The following NOS1AP variants were observed in gnomAD, a reference collection of about 807,000 sequenced individuals.
NOS1AP encodes nitric oxide synthase 1 adaptor protein.
Under a neutral mutation model 56.2 loss-of-function variants are expected in NOS1AP, and 21 were observed. That is an observed-to-expected ratio of 0.37 (90% confidence interval 0.26 to 0.54). The LOEUF (loss-of-function observed/expected upper bound fraction) is 0.54. NOS1AP is among the 20% of genes least tolerant of loss of function. The pLI is 0.84. For synonymous variants in NOS1AP, 270 were observed against 274.6 expected (o/e 0.98, Z 0.17); for missense variants, 522 against 657.8 (o/e 0.79, Z 2.26).
intron 3 of NOS1AP, among the ~76,000 whole-genome samples, chr1:162,290,777 TG>T (rs1655262197): frequency 3.9e-5 from 6 of 152,204 alleles, no homozygotes; most frequent in Admixed American, 3.9e-4. Flanking sequence ...TGTGACAAGC[TG>T]GGAGGGACCC....
At chr1:162,356,829 A>G in intron 7 of NOS1AP, 131 bp from the exon 8 acceptor site, 1 of 1,586,158 alleles carries the variant, frequency 6.3e-7, no homozygotes, top group Admixed American at 1.7e-5. Flanking sequence ...TTTCCATTGA[A>G]GATATAGTGC....
intron 1 of NOS1AP, among the ~76,000 whole-genome samples, chr1:162,108,217 T>C (rs1433789830): frequency 2.0e-5 from 3 of 152,210 alleles, no homozygotes; most frequent in African/African-American, 4.8e-5. Context: ...AAGATGTGCC[T>C]GGTTCATCTT....
At chr1:162,307,572 G>A (rs1349909426) in intron 4 of NOS1AP, among the ~76,000 whole-genome samples, 2 of 152,200 alleles carry the variant, frequency 1.3e-5, no homozygotes, top group Non-Finnish European at 2.9e-5. Context: ...GGGAGGCTGA[G>A]GCAGGCGGAT....
At chr1:162,240,987 AG>A (rs1223978796) in intron 2 of NOS1AP, among the ~76,000 whole-genome samples, 3 of 152,190 alleles carry the variant, frequency 2.0e-5, no homozygotes, top group African/African-American at 7.2e-5. Context: ...GTTGGCTGAA[AG>A]GATGAGTAGA....
At chr1:162,332,955 C>G in intron 4 of NOS1AP, 62 bp from the exon 5 acceptor site, 2 of 1,160,086 alleles carry the variant, frequency 1.7e-6, no homozygotes, top group Non-Finnish European at 2.6e-6. Flanking sequence ...ACAGAGCTTT[C>G]CTGGTTGGAG....
At chr1:162,106,253 T>C (rs780221681) in intron 1 of NOS1AP, among the ~76,000 whole-genome samples, 1 of 152,200 alleles carries the variant, frequency 6.6e-6, no homozygotes, top group Non-Finnish European at 1.5e-5. Flanking sequence ...GTGCAGCTCC[T>C]GGATGGGCCA....
chr1:162,307,822 A>G (rs1013264453), intron 4 of NOS1AP, among the ~76,000 whole-genome samples: 10 of 152,252 alleles, frequency 6.6e-5, no homozygotes, highest in Admixed American at 1.3e-4. Context: ...AAAAAGAAAA[A>G]AAAAAAAAAG....
chr1:162,349,491 C>T (rs755257728), intron 6 of NOS1AP, among the ~76,000 whole-genome samples: 1 of 152,136 alleles, frequency 6.6e-6, no homozygotes, highest in Non-Finnish European at 1.5e-5. Context: ...GCACTGGAAC[C>T]ACTGGGACTT....
At chr1:162,078,081 CCTT>C (rs1691809340) in intron 1 of NOS1AP, among the ~76,000 whole-genome samples, 2 of 152,222 alleles carry the variant, frequency 1.3e-5, no homozygotes, top group African/African-American at 4.8e-5. Context: ...GCCCATACCT[CCTT>C]CTTTTGTGGC....
intron 2 of NOS1AP, among the ~76,000 whole-genome samples, chr1:162,189,572 G>A (rs1055539258): frequency 9.9e-5 from 15 of 152,192 alleles, no homozygotes; most frequent in African/African-American, 3.1e-4. Flanking sequence ...TAGGCACTGG[G>A]AAACAGGTAA....
intron 1 of NOS1AP, among the ~76,000 whole-genome samples, chr1:162,084,167 C>T (rs1344936025): frequency 1.3e-5 from 2 of 152,108 alleles, no homozygotes; most frequent in Non-Finnish European, 2.9e-5. Flanking sequence ...GTCATCTTCG[C>T]GTTGGCTTCT....
intron 3 of NOS1AP, among the ~76,000 whole-genome samples, chr1:162,288,919 G>A (rs1264055124): frequency 6.6e-6 from 1 of 152,164 alleles, no homozygotes; most frequent in Non-Finnish European, 1.5e-5. Flanking sequence ...GTACAGAGTG[G>A]ACAGTCACGG....
chr1:162,243,268 A>G (rs1164284592), intron 2 of NOS1AP, among the ~76,000 whole-genome samples: 1 of 152,204 alleles, frequency 6.6e-6, no homozygotes, highest in Non-Finnish European at 1.5e-5. Context: ...TCAAGGTCCC[A>G]TCAAGCACTG....
At chr1:162,199,888 G>A (rs774996461) in intron 2 of NOS1AP, among the ~76,000 whole-genome samples, 1 of 152,188 alleles carries the variant, frequency 6.6e-6, no homozygotes, top group Non-Finnish European at 1.5e-5. Context: ...TGAAAATTAA[G>A]CAGGATGCAA....
chr1:162,342,963 T>G (rs347282), intron 5 of NOS1AP, among the ~76,000 whole-genome samples: 69,316 of 152,030 alleles, frequency 0.46, 16,800 homozygotes, highest in Middle Eastern at 0.58. Context: ...GCTCTGAAAC[T>G]CTAAATAAAC....
intron 3 of NOS1AP, among the ~76,000 whole-genome samples, chr1:162,297,787 C>T (rs1655518165): frequency 6.6e-6 from 1 of 152,158 alleles, no homozygotes; most frequent in Admixed American, 6.5e-5. Context: ...CCCTATTCCT[C>T]CTGCTAAGTA....
intron 2 of NOS1AP, among the ~76,000 whole-genome samples, chr1:162,247,618 T>C (rs1008479998): frequency 2.0e-4 from 31 of 152,328 alleles, no homozygotes; most frequent in African/African-American, 7.2e-4. Context: ...GTTTCCAGAC[T>C]CCAGAGCTTT....
At chr1:162,161,709 G>C (rs1300138675) in intron 2 of NOS1AP, among the ~76,000 whole-genome samples, 3 of 152,094 alleles carry the variant, frequency 2.0e-5, no homozygotes, top group Non-Finnish European at 4.4e-5. Flanking sequence ...CCTCCTAGTA[G>C]CTGGGACTAC....
In NOS1AP at chr1:162,143,085, G is replaced by C. The variant is rs79184284; in HGVS notation, c.106-11320G>C. Among the ~76,000 whole-genome samples, 1,105 of 152,166 alleles carry C rather than the reference G, an allele frequency of 7.3e-3. 15 individuals carry two copies. The highest frequency in any genetic ancestry group is 0.026 in the African/African-American group (1,075 of 41,492). On this transcript the variant is annotated intron_variant, in intron 1 of 9. Coordinates refer to ENST00000361897, the MANE Select transcript of NOS1AP (RefSeq NM_014697.3). ...CTCAGTCGGAGGCAAATGTGACAGG[G>C]TGTTTACCTCAAACTGAGCCCATCC...
Sources: gnomAD v4.1 joint callset for allele counts (sites outside exome capture counted in the v4.1 genomes callset) on GRCh38, gnomAD v4.1.1 for gene constraint, MANE v1.5 for transcripts, NCBI Gene and HGNC (gene_info 2026-07-23, HGNC 2026-07-21) for gene names.